The following RANBP2 variants were observed in gnomAD, a reference collection of about 807,000 sequenced individuals.
RANBP2 encodes the protein E3 SUMO-protein ligase RanBP2.
A neutral mutation model predicts 303.6 loss-of-function variants in RANBP2; 57 were observed. That is an observed-to-expected ratio of 0.19 (90% CI 0.15 to 0.23). The LOEUF (loss-of-function observed/expected upper bound fraction) is 0.23. Ranked by LOEUF, RANBP2 falls within the 10% of genes least tolerant of loss-of-function variation. The pLI is 1.00. For missense variants in RANBP2, 3,138 were observed against 3,780.8 expected, an observed-to-expected ratio of 0.83 and a Z score of 4.46; for synonymous variants, 1,167 against 1,301.5, an observed-to-expected ratio of 0.90 and a Z score of 2.23.
chr2:109,311,934 C>G, the RANBP2 span, among the ~76,000 whole-genome samples: 1 of 152,094 alleles, frequency 6.6e-6, no homozygotes, highest in African/African-American at 2.4e-5. Flanking sequence ...GAGATGGAGT[C>G]ACAGATTTTG....
At chr2:109,128,383 G>C in the RANBP2 span, 2 of 152,272 alleles carry the variant, frequency 1.3e-5, no homozygotes, top group Non-Finnish European at 2.9e-5. Context: ...CTCGCACAGC[G>C]TCGCCAAGGG....
the RANBP2 span, among the ~76,000 whole-genome samples, chr2:109,698,203 T>A: frequency 2.7e-5 from 4 of 148,118 alleles, no homozygotes; most frequent in South Asian, 8.6e-4. Context: ...ATTAACCCAG[T>A]TTTTTTTTTG....
the RANBP2 span, among the ~76,000 whole-genome samples, chr2:108,919,252 C>T: frequency 2.0e-5 from 3 of 152,198 alleles, no homozygotes; most frequent in African/African-American, 7.2e-5. Context: ...GAGATTTCTC[C>T]AAAAGGCCAG....
chr2:108,909,311 C>T, the RANBP2 span, among the ~76,000 whole-genome samples: 1 of 152,184 alleles, frequency 6.6e-6, no homozygotes, highest in East Asian at 1.9e-4. Flanking sequence ...AATTCAGTCT[C>T]TAGGGAGGCC....
chr2:108,764,764 G>A lies in RANBP2; in HGVS notation c.4225G>A (p.Ala1409Thr). The change falls in exon 20 of 29, where the codon GCA (alanine) becomes ACA (threonine). Residue 1409 changes from alanine to threonine, a missense_variant. By Grantham distance (58) the Ala-to-Thr change is moderately conservative. Transcript: ENST00000283195. ...CCCAGAGAATGTTCAAGATCGATTTGCATTGGTGACTCCAAAGAAAGAAGG... is the reference window on the plus strand; with the variant it reads ...CCCAGAGAATGTTCAAGATCGATTTACATTGGTGACTCCAAAGAAAGAAGG... The part of the protein sequence containing the change: ...TSPENVQDRF[A>T]LVTPKKEGHW... 4 of 1,614,024 alleles carry A rather than the reference G, an allele frequency of 2.5e-6. No homozygotes were observed. The highest frequency in any genetic ancestry group is 3.4e-6 in the Non-Finnish European group (4 of 1,179,962).
the RANBP2 span, among the ~76,000 whole-genome samples, chr2:109,656,271 C>T: frequency 1.3e-5 from 2 of 152,160 alleles, no homozygotes; most frequent in East Asian, 3.9e-4. Context: ...AAAGTGTATA[C>T]CATCCATTGG....
chr2:109,418,497 C>T, the RANBP2 span, among the ~76,000 whole-genome samples: 7,154 of 152,166 alleles, frequency 0.047, 230 homozygotes, highest in Non-Finnish European at 0.073. Flanking sequence ...CAGCACCCCT[C>T]GGCTTGTGGA....
the RANBP2 span, among the ~76,000 whole-genome samples, chr2:109,244,674 A>T: frequency 1.3e-5 from 2 of 152,204 alleles, no homozygotes; most frequent in Admixed American, 1.3e-4. Context: ...CAGGGAGGAA[A>T]TATGGAGATG....
At chr2:109,164,215 G>T in the RANBP2 span, among the ~76,000 whole-genome samples, 2 of 151,526 alleles carry the variant, frequency 1.3e-5, no homozygotes, top group African/African-American at 4.9e-5. Flanking sequence ...GCCTTGCTCT[G>T]TTGCCCAGGC....
At chr2:108,789,814 GA>G (rs1198173229), downstream of RANBP2, among the ~76,000 whole-genome samples, 1 of 151,992 alleles carries the variant, frequency 6.6e-6, no homozygotes, top group Non-Finnish European at 1.5e-5. Flanking sequence ...TTACTATGGG[GA>G]AAAAATATAA....
chr2:108,800,672 A>G, the RANBP2 span, among the ~76,000 whole-genome samples: 1 of 96,644 alleles, frequency 1.0e-5, no homozygotes, highest in Non-Finnish European at 1.8e-5. Context: ...ACATGTGCAC[A>G]TTGTGCAGGT....
At chr2:109,501,552 C>T in the RANBP2 span, 3 of 779,576 alleles carry the variant, frequency 3.8e-6, no homozygotes, top group Non-Finnish European at 7.2e-6. Flanking sequence ...GGAGATCGAG[C>T]TGAAGGAAGG....
chr2:108,810,215 TGTTCTA>T, the RANBP2 span, among the ~76,000 whole-genome samples: 1 of 152,212 alleles, frequency 6.6e-6, no homozygotes, highest in Non-Finnish European at 1.5e-5. Flanking sequence ...ATCCTTGTCT[TGTTCTA>T]GTTCTTAGAG....
the RANBP2 span, among the ~76,000 whole-genome samples, chr2:109,323,512 C>T: frequency 6.6e-6 from 1 of 152,240 alleles, no homozygotes; most frequent in Non-Finnish European, 1.5e-5. Context: ...CATGCTGTCC[C>T]TCTCCAGGAA....
At chr2:109,160,499 G>A in the RANBP2 span, among the ~76,000 whole-genome samples, 1 of 152,338 alleles carries the variant, frequency 6.6e-6, no homozygotes. Context: ...CCTCTGGCAG[G>A]GAGAACGTGT....
chr2:109,394,145 ACT>A, the RANBP2 span, among the ~76,000 whole-genome samples: 3 of 152,054 alleles, frequency 2.0e-5, no homozygotes, highest in African/African-American at 7.2e-5. Flanking sequence ...GATGGAAGAA[ACT>A]CTTCAGTTTT....
the RANBP2 span, among the ~76,000 whole-genome samples, chr2:109,204,210 ATGTC>A: frequency 6.6e-6 from 1 of 152,034 alleles, no homozygotes; most frequent in Non-Finnish European, 1.5e-5. Flanking sequence ...ATCTGTCTGT[ATGTC>A]TGTCTGTCTG....
At chr2:109,615,964 AGCAGCC>A in the RANBP2 span, 12 of 1,580,634 alleles carry the variant, frequency 7.6e-6, no homozygotes, top group Non-Finnish European at 9.4e-6. Flanking sequence ...AGGGACCCAG[AGCAGCC>A]GCTGGAGGGC....
At chr2:109,485,072 T>G in the RANBP2 span, among the ~76,000 whole-genome samples, 1 of 152,236 alleles carries the variant, frequency 6.6e-6, no homozygotes, top group Admixed American at 6.5e-5. Flanking sequence ...TTCTGCAGAT[T>G]GAGGTTCTCA....
Sources: gnomAD v4.1 joint callset for allele counts (sites outside exome capture counted in the v4.1 genomes callset) on GRCh38, gnomAD v4.1.1 for gene constraint, MANE v1.5 for transcripts, NCBI Gene and HGNC (gene_info 2026-07-23, HGNC 2026-07-21) for gene names.